The following DMC1 variants were observed in gnomAD, a reference collection of about 807,000 sequenced individuals.
The protein encoded by DMC1 is DNA meiotic recombinase 1.
A neutral mutation model predicts 50.1 loss-of-function variants in DMC1; 27 were observed. The ratio of observed to expected loss-of-function variants is 0.54; its 90% confidence interval spans 0.40 to 0.74. DMC1 has a LOEUF of 0.74. DMC1 is among the 30% of genes least tolerant of loss of function. The probability of loss-of-function intolerance (pLI) is 0.00; values close to 1 mark genes in which losing one functional copy is unlikely to be tolerated. For missense variants in DMC1, 295 were observed against 420.2 expected (o/e 0.70, Z 2.60); for synonymous variants, 148 against 136.1 (o/e 1.09, Z -0.61).
intron 4 of DMC1, among the ~76,000 whole-genome samples, chr22:38,564,275 A>G (rs537078348): frequency 1.3e-5 from 2 of 152,316 alleles, no homozygotes; most frequent in South Asian, 2.1e-4. Flanking sequence ...GTTCAAGCCC[A>G]GACTGGGCAA....
chr22:38,548,245 C>A (rs562670441), intron 8 of DMC1, among the ~76,000 whole-genome samples: 2 of 152,272 alleles, frequency 1.3e-5, no homozygotes, highest in East Asian at 3.9e-4. Context: ...TTTCCCAGTG[C>A]CATCTGGATA....
At chr22:38,545,713 G>C (rs768680825) in intron 8 of DMC1, 1 of 152,096 alleles carries the variant, frequency 6.6e-6, no homozygotes, top group African/African-American at 2.4e-5. Context: ...GAGCCACAGC[G>C]GCCAGCCAAA....
chr22:38,537,040 C>G (rs560362097), intron 12 of DMC1, among the ~76,000 whole-genome samples: 2 of 151,662 alleles, frequency 1.3e-5, no homozygotes, highest in South Asian at 4.2e-4. Context: ...TTAGTAGAGA[C>G]GAGGCTTCAT....
intron 12 of DMC1, among the ~76,000 whole-genome samples, chr22:38,525,905 A>G (rs777035620): frequency 2.0e-5 from 3 of 151,972 alleles, no homozygotes; most frequent in Non-Finnish European, 4.4e-5. Flanking sequence ...GTGCCACTAC[A>G]CTCCAGTCAC....
intron 5 of DMC1, among the ~76,000 whole-genome samples, chr22:38,559,870 T>C (rs962865724): frequency 2.6e-5 from 4 of 151,720 alleles, no homozygotes; most frequent in African/African-American, 4.8e-5. Flanking sequence ...GTACAAAAAT[T>C]AGCCGGGCGT....
At chr22:38,558,934 G>A (rs973138804) in intron 5 of DMC1, among the ~76,000 whole-genome samples, 4 of 152,088 alleles carry the variant, frequency 2.6e-5, no homozygotes, top group Non-Finnish European at 5.9e-5. Flanking sequence ...TTTGCCTAGG[G>A]GTAGGATTTC....
At chr22:38,534,488 A>G (rs1353338910) in intron 12 of DMC1, among the ~76,000 whole-genome samples, 2 of 152,028 alleles carry the variant, frequency 1.3e-5, no homozygotes, top group Non-Finnish European at 2.9e-5. Context: ...GAATCACCTG[A>G]GGTCAGGAGT....
chr22:38,569,390 C>T (rs2090614959), intron 1 of DMC1: 1 of 151,876 alleles, frequency 6.6e-6, no homozygotes, highest in South Asian at 2.1e-4. Flanking sequence ...GGGGTTGGAC[C>T]CTAGAACAAA....
intron 8 of DMC1, among the ~76,000 whole-genome samples, chr22:38,540,353 G>A (rs756136444): frequency 6.6e-6 from 1 of 152,130 alleles, no homozygotes; most frequent in Non-Finnish European, 1.5e-5. Flanking sequence ...GCCAGGAGTT[G>A]TTAGCTTTCT....
chr22:38,544,266 T>C (rs1305920860), intron 8 of DMC1, among the ~76,000 whole-genome samples: 2 of 152,240 alleles, frequency 1.3e-5, no homozygotes, highest in Non-Finnish European at 2.9e-5. Context: ...AACTGGAAAC[T>C]GCTTATGGCA....
rs184582191 is a variant in DMC1 at position 38,559,895 on chromosome 22, G to C, written c.326+2392C>G. ...TAGCCGGGCGTGGTGGCGGGCACCT[G>C]TAATCCCAGCTACTCGGGAGGCTGA... On this transcript the variant is annotated intron_variant, in intron 5 of 13. Coordinates refer to ENST00000216024, the MANE Select transcript of DMC1 (RefSeq NM_007068.4). 4.8e-3 allele frequency among the ~76,000 whole-genome samples: 727 copies of C among 151,992 alleles called. 8 individuals are homozygous for C. Among genetic ancestry groups the C allele is most frequent in the African/African-American group, 0.017 (695 of 41,470 alleles).
rs1452283103 is a variant in DMC1, at chr22:38,566,521, C to T, written c.243+69G>A. On this transcript the variant is annotated intron_variant, in intron 4 of 13. Coordinates refer to ENST00000216024, the MANE Select transcript of DMC1 (RefSeq NM_007068.4). ...AGTTCCCACAATAATTTCTAGTTTT[C>T]ATGAGAAAGCCTATAAAGATTCACA... 2.1e-5 allele frequency: 33 copies of T among 1,561,136 alleles called. 1 individual carries two copies. Among genetic ancestry groups the T allele is most frequent in the Non-Finnish European group, 1.8e-6 (2 of 1,135,626 alleles).
intron 13 of DMC1, 59 bp from the exon 14 acceptor site, chr22:38,520,148 T>C (rs1358096846): frequency 2.2e-6 from 3 of 1,385,702 alleles, no homozygotes; most frequent in Non-Finnish European, 3.1e-6. Flanking sequence ...AAATACTATA[T>C]TCATGTCACA....
intron 1 of DMC1, chr22:38,568,544 TTC>T (rs1327954288): frequency 5.7e-5 from 28 of 493,116 alleles, no homozygotes; most frequent in African/African-American, 1.7e-4. Flanking sequence ...ATTTAGTTTC[TTC>T]TCTTTCCCCA....
At chr22:38,537,446 T>C in intron 12 of DMC1, 146 bp downstream of exon 12, 1 of 701,112 alleles carries the variant, frequency 1.4e-6, no homozygotes, top group Non-Finnish European at 2.5e-6. Flanking sequence ...TCTCCTGACC[T>C]CGTGATCCGC....
At chr22:38,539,470 C>A in intron 8 of DMC1, 58 bp from the exon 9 acceptor site, 1 of 1,267,240 alleles carries the variant, frequency 7.9e-7, no homozygotes, top group East Asian at 2.3e-5. Flanking sequence ...TTTAGACAAC[C>A]ACTACAAAAC....
At chr22:38,515,786 A>G (rs1163006944), downstream of DMC1, among the ~76,000 whole-genome samples, 1 of 152,162 alleles carries the variant, frequency 6.6e-6, no homozygotes, top group Non-Finnish European at 1.5e-5. Flanking sequence ...TAGCAGAGGA[A>G]GACTCCATCT....
chr22:38,525,079 T>A (rs5750617), intron 12 of DMC1, among the ~76,000 whole-genome samples: 56,711 of 150,706 alleles, frequency 0.38, 11,044 homozygotes, highest in African/African-American at 0.48. Context: ...ATAAATAAAT[T>A]AATTAATTAA....
chr22:38,540,276 C>CCTCAAGT (rs2090266107), intron 8 of DMC1, among the ~76,000 whole-genome samples: 1 of 152,108 alleles, frequency 6.6e-6, no homozygotes, highest in Admixed American at 6.6e-5. Flanking sequence ...AAACTACTGA[C>CCTCAAGT]CTCAAGTGAT....
Sources: gnomAD v4.1 joint callset for allele counts (sites outside exome capture counted in the v4.1 genomes callset) on GRCh38, gnomAD v4.1.1 for gene constraint, MANE v1.5 for transcripts, NCBI Gene and HGNC (gene_info 2026-07-23, HGNC 2026-07-21) for gene names.